Variants in DGKG observed in about 807,000 individuals in gnomAD.
DGKG encodes diacylglycerol kinase gamma.
In DGKG, 78 loss-of-function variants were observed where a neutral mutation model predicts 105.3. The ratio of observed to expected loss-of-function variants is 0.74; its 90% CI spans 0.62 to 0.89. The LOEUF (loss-of-function observed/expected upper bound fraction) is 0.89, where lower values mean the gene tolerates loss of function less well. DGKG is among the 40% of genes least tolerant of loss of function. The pLI, the probability that DGKG is intolerant of heterozygous loss-of-function variation, is 0.00. For synonymous variants in DGKG, 346 were observed against 367.1 expected (o/e 0.94, Z 0.66); for missense variants, 958 against 1,020.1 (o/e 0.94, Z 0.83).
At chr3:186,268,754 CA>C (rs748434433) in intron 12 of DGKG, 46 bp downstream of exon 12, 9 of 1,402,270 alleles carry the variant, frequency 6.4e-6, no homozygotes, top group East Asian at 2.3e-5. Flanking sequence ...GCAGCTTGGG[CA>C]AAAAAACGTT....
At chr3:186,263,967 C>T (rs888033213) in intron 14 of DGKG, among the ~76,000 whole-genome samples, 10 of 152,200 alleles carry the variant, frequency 6.6e-5, no homozygotes, top group Non-Finnish European at 1.3e-4. Flanking sequence ...TTTGTCTCAC[C>T]TGCCCAGGGT....
intron 2 of DGKG, among the ~76,000 whole-genome samples, chr3:186,314,769 A>T (rs917579774): frequency 6.6e-6 from 1 of 151,780 alleles, no homozygotes; most frequent in African/African-American, 2.4e-5. Flanking sequence ...AAAAAAAAAA[A>T]AAAAAGTTCT....
chr3:186,264,634 G>C (rs1721957124), intron 14 of DGKG, among the ~76,000 whole-genome samples: 1 of 152,192 alleles, frequency 6.6e-6, no homozygotes, highest in South Asian at 2.1e-4. Flanking sequence ...AGGTGGGCAG[G>C]GCAGGGATTA....
chr3:186,359,091 G>C (rs542706953), intron 1 of DGKG, among the ~76,000 whole-genome samples: 3 of 152,264 alleles, frequency 2.0e-5, no homozygotes, highest in Non-Finnish European at 4.4e-5. Flanking sequence ...AAGAATGCTC[G>C]TGTGATGTGG....
chr3:186,337,698 T>A (rs969505715), intron 1 of DGKG, among the ~76,000 whole-genome samples: 3 of 152,124 alleles, frequency 2.0e-5, no homozygotes, highest in Non-Finnish European at 4.4e-5. Flanking sequence ...TATTTTTAAG[T>A]GATATGATAG....
At chr3:186,346,733 G>A (rs1026433296) in intron 1 of DGKG, among the ~76,000 whole-genome samples, 1 of 151,592 alleles carries the variant, frequency 6.6e-6, no homozygotes, top group Non-Finnish European at 1.5e-5. Context: ...TTTTTGAAAT[G>A]TATCATAATT....
chr3:186,217,009 G>T (rs1292171568), intron 20 of DGKG, among the ~76,000 whole-genome samples: 2 of 152,084 alleles, frequency 1.3e-5, no homozygotes, highest in Non-Finnish European at 2.9e-5. Flanking sequence ...AAGTTGTGAG[G>T]CTTATGTGGC....
At chr3:186,154,469 T>C (rs6444110) in intron 24 of DGKG, among the ~76,000 whole-genome samples, 99,425 of 151,484 alleles carry the variant, frequency 0.66, 32,998 homozygotes, top group East Asian at 0.93. Context: ...CATGGTGAAA[T>C]CCCGTCTCTA....
chr3:186,296,538 T>A (rs976641046), intron 5 of DGKG, among the ~76,000 whole-genome samples: 3 of 152,228 alleles, frequency 2.0e-5, no homozygotes, highest in African/African-American at 7.2e-5. Context: ...TTCCCATTGA[T>A]AAATGTGTCA....
chr3:186,147,796 A>G lies in DGKG; in HGVS notation c.*2294T>C. 1 of 985,346 alleles carries G rather than the reference A, an allele frequency of 1.0e-6. No individual in the cohort carries two copies. The highest frequency in any genetic ancestry group is 1.1e-4 in the East Asian group (1 of 8,804). The allele number at this position is 985,346 out of a possible 1,614,324, so 61.0% of individuals were successfully genotyped here. Reference sequence around the variant, plus strand: ...TTCTGTAAATGTCTTAGAATCAGTGACCCCAAACCTGAACCTGCCTCAGTT... The same window carrying G: ...TTCTGTAAATGTCTTAGAATCAGTGGCCCCAAACCTGAACCTGCCTCAGTT... On this transcript the variant is annotated 3_prime_UTR_variant, in exon 25 of 25. Transcript: ENST00000265022.
Position 186,148,918 on chromosome 3 carries a change from T to A in DGKG, c.*1172A>T. The A allele has an allele frequency of 1.0e-6, 1 of 980,326 alleles. No homozygotes were observed. The highest frequency in any genetic ancestry group is 4.7e-5 in the South Asian group (1 of 21,166). The allele number at this position is 980,326 out of a possible 1,614,324, so 60.7% of individuals were successfully genotyped here. ...CTTTCTGTCTCATACTACCTATGTT[T>A]TTTTTTTCCAATGAGGAAAAGTCCA... is the stretch of plus-strand genomic sequence containing the variant. On this transcript the variant is annotated 3_prime_UTR_variant, in exon 25 of 25. Coordinates refer to ENST00000265022, the MANE Select transcript of DGKG (RefSeq NM_001346.3).
At chr3:186,318,089 A>G (rs1006799549) in intron 2 of DGKG, among the ~76,000 whole-genome samples, 3 of 152,190 alleles carry the variant, frequency 2.0e-5, no homozygotes, top group Admixed American at 6.5e-5. Flanking sequence ...TTTGGCTCAG[A>G]CTAGGTTTCC....
At chr3:186,343,194 G>C (rs971446764) in intron 1 of DGKG, among the ~76,000 whole-genome samples, 10 of 152,164 alleles carry the variant, frequency 6.6e-5, no homozygotes, top group African/African-American at 9.7e-5. Flanking sequence ...CTCCATGGAG[G>C]CTACTGAACC....
chr3:186,330,922 C>T (rs1056779159), intron 1 of DGKG, among the ~76,000 whole-genome samples: 3 of 152,146 alleles, frequency 2.0e-5, no homozygotes, highest in East Asian at 1.9e-4. Context: ...GTTATGTAAT[C>T]GTAGATAACC....
chr3:186,188,108 G>A, intron 22 of DGKG, 94 bp downstream of exon 22: 1 of 1,408,214 alleles, frequency 7.1e-7, no homozygotes, highest in Non-Finnish European at 9.9e-7. Context: ...AGTCCTTGCT[G>A]GGCTGTGGGG....
At chr3:186,316,742 A>C (rs1544703) in intron 2 of DGKG, among the ~76,000 whole-genome samples, 87,983 of 152,038 alleles carry the variant, frequency 0.58, 26,108 homozygotes, top group Middle Eastern at 0.67. Flanking sequence ...ATGGAAAACA[A>C]CAAGAGCCTC....
At chr3:186,249,996 CT>C (rs1721129000) in intron 19 of DGKG, among the ~76,000 whole-genome samples, 1 of 152,086 alleles carries the variant, frequency 6.6e-6, no homozygotes, top group Non-Finnish European at 1.5e-5. Context: ...ATCACAGAGT[CT>C]GGGGCAGAGG....
At chr3:186,298,279 A>G (rs1362512350) in intron 3 of DGKG, 50 bp from the exon 4 acceptor site, 1 of 1,501,084 alleles carries the variant, frequency 6.7e-7, no homozygotes, top group Non-Finnish European at 8.9e-7. Flanking sequence ...AAAGGGACAG[A>G]GAGGAAGAGA....
chr3:186,221,568 T>G (rs1458764358), intron 20 of DGKG, among the ~76,000 whole-genome samples: 2 of 152,152 alleles, frequency 1.3e-5, no homozygotes, highest in African/African-American at 4.8e-5. Flanking sequence ...CGGACAGGAA[T>G]GCTCACTCCT....
Sources: gnomAD v4.1 joint callset for allele counts (sites outside exome capture counted in the v4.1 genomes callset) on GRCh38, gnomAD v4.1.1 for gene constraint, MANE v1.5 for transcripts, NCBI Gene and HGNC (gene_info 2026-07-23, HGNC 2026-07-21) for gene names.